Variants in ZNF880 observed in about 807,000 individuals in gnomAD.
ZNF880 encodes the protein zinc finger protein 880, also known as zinc finger protein LOC400713.
In ZNF880, 12 loss-of-function variants were observed where a neutral mutation model predicts 11.8. The observed-to-expected ratio is 1.02, with a 90% confidence interval of 0.65 to 1.65. ZNF880 has a LOEUF of 1.65. Ranked by LOEUF, ZNF880 falls within the 40% of genes most tolerant of loss-of-function variation. The probability of loss-of-function intolerance (pLI) is 0.00; values close to 1 mark genes in which losing one functional copy is unlikely to be tolerated. For missense variants in ZNF880, 601 were observed against 673.9 expected, an observed-to-expected ratio of 0.89 and a Z score of 1.20; for synonymous variants, 210 against 232.4, an observed-to-expected ratio of 0.90 and a Z score of 0.88.
At chr19:52,369,036 G>A (rs892462913), upstream of ZNF880, among the ~76,000 whole-genome samples, 2 of 138,332 alleles carry the variant, frequency 1.4e-5, no homozygotes, top group Non-Finnish European at 3.1e-5. Context: ...ACAATGGCAG[G>A]TATACACTAG....
intron 3 of ZNF880, among the ~76,000 whole-genome samples, chr19:52,381,260 C>G (rs1277666199): frequency 6.6e-6 from 1 of 152,110 alleles, no homozygotes; most frequent in Non-Finnish European, 1.5e-5. Flanking sequence ...TCATTCTGTA[C>G]TTAGGAGCTC....
chr19:52,394,971 A>G, the ZNF880 span: 1 of 152,330 alleles, frequency 6.6e-6, no homozygotes, highest in Non-Finnish European at 1.5e-5. Context: ...CACTTTGACC[A>G]TATAATTCAG....
chr19:52,367,149 A>C (rs1387794013), upstream of ZNF880: 2 of 170,014 alleles, frequency 1.2e-5, no homozygotes, highest in African/African-American at 4.8e-5. Context: ...TTTGAGACGA[A>C]GTCTCGCTGT....
At chr19:52,389,319 C>T (rs533259695), downstream of ZNF880, 3 of 152,304 alleles carry the variant, frequency 2.0e-5, no homozygotes, top group South Asian at 2.1e-4. Context: ...AAATAAAAAG[C>T]AAGTTAGTTA....
chr19:52,384,976 T>C lies in ZNF880; in HGVS notation c.1396T>C (p.Cys466Arg). 1 of 1,567,444 alleles carries C rather than the reference T, an allele frequency of 6.4e-7. No individual in the cohort carries two copies. Residue 466 changes from cysteine to arginine, a missense_variant, in exon 4 of 4, where the codon TGT (cysteine) becomes CGT (arginine). Transcript: ENST00000422689. ...RFHTGEKPYR[C>R]DECGKDFTRN... ...TCATACTGGAGAGAAACCTTACAGATGTGATGAATGTGGCAAGGACTTCAC... is the reference window on the plus strand; with the variant it reads ...TCATACTGGAGAGAAACCTTACAGACGTGATGAATGTGGCAAGGACTTCAC...
chr19:52,370,110 C>A, intron 1 of ZNF880, 133 bp downstream of exon 1: 1 of 1,204,502 alleles, frequency 8.3e-7, no homozygotes, highest in Non-Finnish European at 1.2e-6. Context: ...CTCAGACGTT[C>A]TAATGAGAGT....
intron 1 of ZNF880, among the ~76,000 whole-genome samples, chr19:52,371,405 T>C (rs1458371522): frequency 6.6e-6 from 1 of 151,338 alleles, no homozygotes; most frequent in African/African-American, 2.5e-5. Context: ...GGCTGGAGTC[T>C]CGCTTTGTCA....
chr19:52,384,094 C>T lies in ZNF880; in HGVS notation c.514C>T (p.Pro172Ser), dbSNP rs1410124667. 6.3e-7 allele frequency: 1 copy of T among 1,591,726 alleles called. No homozygotes were observed. Among genetic ancestry groups the T allele is most frequent in the Admixed American group, 1.8e-5 (1 of 55,378 alleles). ...RNDFDDSPFL[P>S]QEQKAQIREK... ...TGATTTTGATGATTCTCCATTTCTC[C>T]CACAAGAACAAAAAGCACAAATAAG... Residue 172 changes from proline (P) to serine (S), a missense_variant, in exon 4 of 4, where the codon CCA (proline) becomes TCA (serine). Transcript: ENST00000422689.
the ZNF880 span, chr19:52,394,904 GTC>G: frequency 1.3e-5 from 2 of 152,312 alleles, no homozygotes; most frequent in Non-Finnish European, 2.9e-5. Context: ...CATCACCACT[GTC>G]TCTGTCCCTT....
chr19:52,386,137 A>G (rs1040876784), downstream of ZNF880, among the ~76,000 whole-genome samples: 1 of 128,548 alleles, frequency 7.8e-6, no homozygotes, highest in Non-Finnish European at 1.6e-5. Context: ...ACGCCACTGC[A>G]CTCCAGCCTG....
rs1188249339 is a variant in ZNF880 at position 52,384,369 on chromosome 19, T to C, written c.789T>C (p.Thr263=). 1.9e-6 allele frequency: 3 copies of C among 1,613,664 alleles called. No homozygotes were observed. Among genetic ancestry groups the C allele is most frequent in the African/African-American group, 1.3e-5 (1 of 74,928 alleles). Reference sequence around the variant, plus strand: ...TTGCACGACATCAGAGAATACATACTGGAGAGAAACCTTACAAATGTCATG... The same window carrying C: ...TTGCACGACATCAGAGAATACATACCGGAGAGAAACCTTACAAATGTCATG... ...SLLARHQRIH[T]GEKPYKCHEC... is the part of the protein sequence containing the mutation. The change falls in exon 4 of 4, where the codon ACT becomes ACC. Residue 263 remains threonine, a synonymous_variant. Coordinates refer to ENST00000422689, the MANE Select transcript of ZNF880 (RefSeq NM_001145434.2).
the ZNF880 span, among the ~76,000 whole-genome samples, chr19:52,392,450 A>G: frequency 6.6e-6 from 1 of 152,032 alleles, no homozygotes; most frequent in Non-Finnish European, 1.5e-5. Context: ...ACAGGCGTCC[A>G]CCACCAAACC....
chr19:52,372,772 T>C (rs1187954202), intron 1 of ZNF880, among the ~76,000 whole-genome samples: 1 of 145,646 alleles, frequency 6.9e-6, no homozygotes, highest in African/African-American at 2.5e-5. Flanking sequence ...TAGCTGGGCG[T>C]GGTGGCGGGC....
At chr19:52,369,362 CAAA>C (rs57601492), upstream of ZNF880, among the ~76,000 whole-genome samples, 389 of 112,236 alleles carry the variant, frequency 3.5e-3, 1 homozygote, top group Middle Eastern at 9.1e-3. Flanking sequence ...ACTCTGTCTC[CAAA>C]AAAAAAAAAA....
At chr19:52,369,569 TTC>T (rs925809899), upstream of ZNF880, among the ~76,000 whole-genome samples, 2 of 151,936 alleles carry the variant, frequency 1.3e-5, no homozygotes, top group Non-Finnish European at 2.9e-5. Context: ...GGCGCAAGGT[TTC>T]TCTCTCATGC....
the ZNF880 span, chr19:52,392,733 G>C: frequency 5.3e-4 from 120 of 226,968 alleles, no homozygotes; most frequent in Non-Finnish European, 2.0e-4. Context: ...GGAGAGTGAA[G>C]GGAAAATAGC....
chr19:52,383,942 T>C lies in ZNF880; in HGVS notation c.362T>C (p.Leu121Pro). Residue 121 changes from leucine to proline, a missense_variant, in exon 4 of 4, where the codon CTA becomes CCA. Transcript: ENST00000422689. The stretch of plus-strand genomic sequence containing the variant: ...CAGTTACATCTGAGTGAACTGCAGC[T>C]ATTTCAAGCTGAAAGGAATATTTCT... ...TFQLHLSELQLFQAERNISGC... is the reference protein window; with the variant it reads ...TFQLHLSELQPFQAERNISGC... 6.4e-7 allele frequency: 1 copy of C among 1,557,610 alleles called. No individual in the cohort carries two copies. The highest frequency in any genetic ancestry group is 1.4e-5 in the African/African-American group (1 of 73,390).
At chr19:52,397,403 GT>G in the ZNF880 span, 1 of 152,134 alleles carries the variant, frequency 6.6e-6, no homozygotes, top group African/African-American at 2.4e-5. Context: ...CAATTCCAAA[GT>G]GTGTTAATTC....
intron 3 of ZNF880, among the ~76,000 whole-genome samples, 190 bp from the exon 4 acceptor site, chr19:52,383,659 C>T (rs1007381385): frequency 1.3e-5 from 2 of 152,162 alleles, no homozygotes; most frequent in African/African-American, 4.8e-5. Flanking sequence ...CACCTGACTC[C>T]TGCAGGTTCC....
Sources: gnomAD v4.1 joint callset for allele counts (sites outside exome capture counted in the v4.1 genomes callset) on GRCh38, gnomAD v4.1.1 for gene constraint, MANE v1.5 for transcripts, NCBI Gene and HGNC (gene_info 2026-07-23, HGNC 2026-07-21) for gene names.